The following TOGARAM1 variants were observed in gnomAD, a reference collection of about 807,000 sequenced individuals.
TOGARAM1 encodes the protein TOG array regulator of axonemal microtubules protein 1.
Under a neutral mutation model 166.6 loss-of-function variants are expected in TOGARAM1, and 100 were observed. The observed-to-expected ratio is 0.60, with a 90% confidence interval of 0.51 to 0.71. The LOEUF is 0.71. TOGARAM1 is among the 30% of genes least tolerant of loss of function. The pLI, the probability that TOGARAM1 is intolerant of heterozygous loss-of-function variation, is 0.00. For synonymous variants in TOGARAM1, 758 were observed against 763.8 expected (o/e 0.99, Z 0.13); for missense variants, 2,029 against 2,102.7 (o/e 0.96, Z 0.69).
At chr14:45,036,192 A>G (rs1881430101) in intron 11 of TOGARAM1, among the ~76,000 whole-genome samples, 1 of 151,474 alleles carries the variant, frequency 6.6e-6, no homozygotes, top group Non-Finnish European at 1.5e-5. Context: ...ACAGTTTGAT[A>G]CAAAGGCCCA....
chr14:44,971,762 T>C (rs1885896884), intron 1 of TOGARAM1, among the ~76,000 whole-genome samples: 1 of 152,236 alleles, frequency 6.6e-6, no homozygotes, highest in Non-Finnish European at 1.5e-5. Context: ...TATTTCAAAA[T>C]ATTTAAAAAT....
At chr14:45,035,270 G>A (rs576582246) in intron 11 of TOGARAM1, among the ~76,000 whole-genome samples, 1 of 152,220 alleles carries the variant, frequency 6.6e-6, no homozygotes, top group South Asian at 2.1e-4. Flanking sequence ...TGGGGCAGGA[G>A]AATCGCTTAA....
At chr14:45,000,048 A>G (rs917398277) in intron 3 of TOGARAM1, among the ~76,000 whole-genome samples, 18 of 152,034 alleles carry the variant, frequency 1.2e-4, no homozygotes, top group Admixed American at 5.2e-4. Context: ...GCTGGAGTGT[A>G]ATGGCAGGAT....
chr14:44,983,020 G>A (rs1886612313), intron 1 of TOGARAM1, among the ~76,000 whole-genome samples: 1 of 152,156 alleles, frequency 6.6e-6, no homozygotes, highest in South Asian at 2.1e-4. Flanking sequence ...GATATAACAG[G>A]ATAAGTTATT....
In TOGARAM1 at chr14:44,962,383, C is replaced by G. The variant is rs1268497055; in HGVS notation, c.-39C>G. On this transcript the variant is annotated 5_prime_UTR_variant, in exon 1 of 20. Coordinates refer to ENST00000361462, the MANE Select transcript of TOGARAM1 (RefSeq NM_001308120.2). ...GCTCCATCGAGCCCTTTGGAGACGG[C>G]AATGGTTTCTTCCAACCACCACCAC... is the stretch of plus-strand genomic sequence containing the variant. 2.0e-6 allele frequency: 3 copies of G among 1,508,678 alleles called. No homozygotes were observed. Among genetic ancestry groups the G allele is most frequent in the African/African-American group, 2.8e-5 (2 of 71,644 alleles). The allele number at this position is 1,508,678 out of a possible 1,614,324, so 93.5% of individuals were successfully genotyped here. A position where few individuals can be genotyped will look rare whatever the true frequency, so the allele number is the denominator to read the frequency against.
At position 44,963,766 on chromosome 14, in the gene TOGARAM1, TTGG is replaced by T; in HGVS notation, c.1348_1350del (p.Val450del). On this transcript the variant is annotated inframe_deletion, in exon 1 of 20. Coordinates refer to ENST00000361462, the MANE Select transcript of TOGARAM1 (RefSeq NM_001308120.2). ...TGTCAAAGTGCTGGCGGACAACAAG[TTGG>T]TGATCAAACAAGAATACATGAAAAT... 6.2e-7 allele frequency: 1 copy of T among 1,613,850 alleles called. No individual in the cohort carries two copies. The highest frequency in any genetic ancestry group is 8.5e-7 in the Non-Finnish European group (1 of 1,179,848).
chr14:45,043,842 A>C (rs745530756), intron 12 of TOGARAM1, 51 bp downstream of exon 12: 1 of 1,037,496 alleles, frequency 9.6e-7, no homozygotes, highest in African/African-American at 1.6e-5. Flanking sequence ...ACAAAGGATA[A>C]ATATGCTATG....
intron 10 of TOGARAM1, among the ~76,000 whole-genome samples, chr14:45,028,768 T>C (rs560648841): frequency 2.0e-5 from 3 of 152,274 alleles, no homozygotes; most frequent in Admixed American, 6.5e-5. Flanking sequence ...TTTTAAAATA[T>C]TGAATACATG....
chr14:45,038,794 G>C (rs1164015548), intron 11 of TOGARAM1, among the ~76,000 whole-genome samples: 2 of 152,216 alleles, frequency 1.3e-5, no homozygotes, highest in Admixed American at 6.5e-5. Context: ...AGATGTTTCA[G>C]TCCCGAATTC....
At chr14:44,974,790 A>G (rs1886090330) in intron 1 of TOGARAM1, among the ~76,000 whole-genome samples, 1 of 151,986 alleles carries the variant, frequency 6.6e-6, no homozygotes, top group Non-Finnish European at 1.5e-5. Context: ...AAGTTAATAC[A>G]ACATTCCTGC....
In TOGARAM1 at chr14:45,006,250, G is replaced by T; in HGVS notation, c.2887G>T (p.Asp963Tyr). 6.2e-7 allele frequency: 1 copy of T among 1,610,506 alleles called. No homozygotes were observed. Among genetic ancestry groups the T allele is most frequent in the Non-Finnish European group, 8.5e-7 (1 of 1,177,788 alleles). The change falls in exon 5 of 20, where the codon GAT becomes TAT. Residue 963 changes from aspartate (D) to tyrosine (Y), a missense_variant. Asp to Tyr is a radical substitution (Grantham distance 160). Transcript: ENST00000361462. ...TTCAGAATTAAATTTCAAGGATAAA[G>T]ATTTGGATCAAGAAGAGGTTAGAAC... Reference protein sequence around the residue: ...DLSELNFKDKDLDQEEMHSSL... With the variant: ...DLSELNFKDKYLDQEEMHSSL...
chr14:45,062,087 G>C (rs1471434750), intron 16 of TOGARAM1, among the ~76,000 whole-genome samples: 2 of 152,092 alleles, frequency 1.3e-5, no homozygotes, highest in East Asian at 1.9e-4. Context: ...CTACTTGAAA[G>C]AATGTACATT....
chr14:44,989,193 CTG>C (rs1437883582), intron 1 of TOGARAM1, among the ~76,000 whole-genome samples: 1 of 152,076 alleles, frequency 6.6e-6, no homozygotes, highest in Non-Finnish European at 1.5e-5. Flanking sequence ...ATTGAATTTT[CTG>C]TGTTTTTAAA....
At chr14:44,998,067 T>G (rs963453757) in intron 2 of TOGARAM1, among the ~76,000 whole-genome samples, 2 of 152,206 alleles carry the variant, frequency 1.3e-5, no homozygotes, top group South Asian at 2.1e-4. Flanking sequence ...TAAACATTGT[T>G]CCCTAGGAGA....
chr14:44,998,633 TA>T (rs983506030), intron 2 of TOGARAM1, among the ~76,000 whole-genome samples: 5 of 151,794 alleles, frequency 3.3e-5, no homozygotes, highest in East Asian at 1.9e-4. Flanking sequence ...GACCCTGTCT[TA>T]AAAAAAATAA....
intron 4 of TOGARAM1, 149 bp downstream of exon 4, chr14:45,004,515 TTAAA>T: frequency 1.6e-6 from 1 of 633,146 alleles, no homozygotes; most frequent in Non-Finnish European, 2.7e-6. Context: ...TAATAGTGTG[TTAAA>T]TAAATCAAAT....
intron 1 of TOGARAM1, among the ~76,000 whole-genome samples, chr14:44,965,507 C>T (rs909420321): frequency 2.0e-5 from 3 of 152,096 alleles, no homozygotes; most frequent in Admixed American, 6.5e-5. Flanking sequence ...CCAAGTTTTA[C>T]ATTTATATGT....
Position 45,008,308 on chromosome 14 carries a change from G to T in TOGARAM1, c.2905-605G>T, listed in dbSNP as rs547235607. ...GACTGGAGTGCAATGGTGCAATCTC[G>T]GCTCATTGCAACCTTTGCCTCCCAG... On this transcript the variant is annotated intron_variant, in intron 5 of 19. Transcript: ENST00000361462. 5.4e-5 allele frequency among the ~76,000 whole-genome samples: 8 copies of T among 147,682 alleles called. No individual in the cohort carries two copies. In the South Asian group the frequency reaches 1.7e-3, roughly 31 times the overall value.
chr14:45,047,639 C>T (rs950047843), intron 14 of TOGARAM1, among the ~76,000 whole-genome samples: 1 of 152,048 alleles, frequency 6.6e-6, no homozygotes, highest in African/African-American at 2.4e-5. Context: ...TTCTAGTCCC[C>T]GTCATTGTTT....
Sources: gnomAD v4.1 joint callset for allele counts (sites outside exome capture counted in the v4.1 genomes callset) on GRCh38, gnomAD v4.1.1 for gene constraint, MANE v1.5 for transcripts, NCBI Gene and HGNC (gene_info 2026-07-23, HGNC 2026-07-21) for gene names.